The following ZFPM2 variants were observed in gnomAD, a reference collection of about 807,000 sequenced individuals.
ZFPM2 encodes zinc finger protein ZFPM2.
A neutral mutation model predicts 98.6 loss-of-function variants in ZFPM2; 20 were observed. That is an observed-to-expected ratio of 0.20 (90% CI 0.14 to 0.29). ZFPM2 has a LOEUF of 0.29. Among genes scored for constraint, ZFPM2 ranks in the 10% least tolerant of loss-of-function variants. The pLI is 1.00. For synonymous variants in ZFPM2, 518 were observed against 502.7 expected (o/e 1.03, Z -0.41); for missense variants, 1,310 against 1,388.6 (o/e 0.94, Z 0.90).
At chr8:105,486,004 C>T (rs1439277090) in intron 3 of ZFPM2, among the ~76,000 whole-genome samples, 1 of 152,080 alleles carries the variant, frequency 6.6e-6, no homozygotes, top group Non-Finnish European at 1.5e-5. Flanking sequence ...GATCTATCAC[C>T]TGAGCTTTGG....
intron 1 of ZFPM2, among the ~76,000 whole-genome samples, chr8:105,375,711 G>A (rs1394816943): frequency 2.0e-5 from 3 of 152,114 alleles, no homozygotes; most frequent in Admixed American, 6.5e-5. Flanking sequence ...TCATTTATCA[G>A]TGTCTTTAAT....
At chr8:105,511,102 G>A (rs1408502861) in intron 3 of ZFPM2, among the ~76,000 whole-genome samples, 1 of 152,150 alleles carries the variant, frequency 6.6e-6, no homozygotes, top group African/African-American at 2.4e-5. Context: ...TCTTCCCACT[G>A]AGCAAGAATG....
chr8:105,378,323 T>A (rs1179752110), intron 1 of ZFPM2, among the ~76,000 whole-genome samples: 2 of 152,264 alleles, frequency 1.3e-5, no homozygotes, highest in South Asian at 2.1e-4. Flanking sequence ...TATATTTTAA[T>A]CCATAGTTAA....
At chr8:105,405,380 T>C (rs1184555124) in intron 1 of ZFPM2, among the ~76,000 whole-genome samples, 2 of 151,764 alleles carry the variant, frequency 1.3e-5, no homozygotes, top group African/African-American at 4.8e-5. Flanking sequence ...GCTGCACCCA[T>C]TAACTCGTCA....
At chr8:105,616,047 G>T (rs1016536326) in intron 4 of ZFPM2, among the ~76,000 whole-genome samples, 2 of 151,878 alleles carry the variant, frequency 1.3e-5, no homozygotes, top group Non-Finnish European at 2.9e-5. Context: ...GCTTTTTATA[G>T]CATATGGTGT....
intron 1 of ZFPM2, among the ~76,000 whole-genome samples, chr8:105,384,425 G>C (rs181143767): frequency 1.3e-4 from 19 of 151,966 alleles, no homozygotes; most frequent in African/African-American, 4.6e-4. Flanking sequence ...AATCCCAGGA[G>C]GTGGATTATC....
chr8:105,673,997 G>A (rs148839208), intron 5 of ZFPM2, among the ~76,000 whole-genome samples: 2 of 152,274 alleles, frequency 1.3e-5, no homozygotes, highest in African/African-American at 4.8e-5. Flanking sequence ...GAAATCCTCT[G>A]TCTGAACACT....
intron 4 of ZFPM2, among the ~76,000 whole-genome samples, chr8:105,602,904 T>G (rs2130786123): frequency 6.6e-6 from 1 of 152,270 alleles, no homozygotes; most frequent in South Asian, 2.1e-4. Flanking sequence ...GACTGGATAC[T>G]TTTTAAATCA....
At chr8:105,576,954 T>C (rs568401930) in intron 4 of ZFPM2, among the ~76,000 whole-genome samples, 2 of 152,284 alleles carry the variant, frequency 1.3e-5, no homozygotes, top group East Asian at 3.9e-4. Flanking sequence ...TAGTGGTATG[T>C]TATTTTTATC....
intron 1 of ZFPM2, among the ~76,000 whole-genome samples, chr8:105,380,937 A>AATATATATG (rs1810874669): frequency 1.7e-4 from 19 of 108,638 alleles, no homozygotes; most frequent in Non-Finnish European, 2.8e-4. Context: ...TAATATATAT[A>AATATATATG]TTATTATACT....
At chr8:105,591,227 T>C (rs1374473881) in intron 4 of ZFPM2, among the ~76,000 whole-genome samples, 1 of 151,954 alleles carries the variant, frequency 6.6e-6, no homozygotes, top group African/African-American at 2.4e-5. Flanking sequence ...GATTAAATTT[T>C]CAGAACTTCT....
At chr8:105,672,171 A>G (rs1399970794) in intron 5 of ZFPM2, among the ~76,000 whole-genome samples, 1 of 152,048 alleles carries the variant, frequency 6.6e-6, no homozygotes, top group Admixed American at 6.6e-5. Flanking sequence ...CTTTAGTAGC[A>G]TGTTTTAACA....
intron 5 of ZFPM2, among the ~76,000 whole-genome samples, chr8:105,665,516 G>A (rs1322203945): frequency 1.3e-5 from 2 of 152,154 alleles, no homozygotes; most frequent in African/African-American, 4.8e-5. Flanking sequence ...AGGAATCTAT[G>A]AAATGATTGC....
rs1025988426 is a variant in ZFPM2, at chr8:105,584,480, G to A, written c.420+22999G>A. Among the ~76,000 whole-genome samples the A allele has an allele frequency of 4.6e-5, 7 of 151,992 alleles. No individual in the cohort carries two copies. In the East Asian group the frequency reaches 9.6e-4, roughly 21 times the overall value. On this transcript the variant is annotated intron_variant, in intron 4 of 7. Transcript: ENST00000407775. Reference sequence around the variant, plus strand: ...TGTATCAATTTCTTTTTCCCGTGGCGTCAAAAACACAAAGTAGTCTGGTTT... The same window carrying A: ...TGTATCAATTTCTTTTTCCCGTGGCATCAAAAACACAAAGTAGTCTGGTTT...
At chr8:105,440,232 T>C (rs1469486074) in intron 2 of ZFPM2, among the ~76,000 whole-genome samples, 1 of 152,202 alleles carries the variant, frequency 6.6e-6, no homozygotes, top group Non-Finnish European at 1.5e-5. Context: ...TTAATAGTAT[T>C]ATCTGTATTT....
At chr8:105,723,441 G>A (rs891585021) in intron 5 of ZFPM2, among the ~76,000 whole-genome samples, 9 of 151,704 alleles carry the variant, frequency 5.9e-5, no homozygotes, top group East Asian at 2.0e-4. Context: ...ATGACCCCTC[G>A]ATCTAAAGAC....
intron 3 of ZFPM2, among the ~76,000 whole-genome samples, chr8:105,549,356 T>G (rs1814788584): frequency 6.6e-6 from 1 of 152,188 alleles, no homozygotes; most frequent in Non-Finnish European, 1.5e-5. Context: ...CATGAGATTT[T>G]CTAGTTTGCA....
At chr8:105,418,843 T>TCTTAAAGAGC (rs1211966504) in intron 1 of ZFPM2, 2 of 543,828 alleles carry the variant, frequency 3.7e-6, no homozygotes, top group Non-Finnish European at 7.0e-6. Flanking sequence ...ACAGTTTTGC[T>TCTTAAAGAGC]CTTAAAGAGC....
intron 5 of ZFPM2, among the ~76,000 whole-genome samples, chr8:105,707,616 C>T (rs138950570): frequency 7.2e-5 from 11 of 152,142 alleles, no homozygotes; most frequent in Non-Finnish European, 1.5e-4. Context: ...TTGAATTGTT[C>T]GTTACTGGTT....
Sources: allele counts gnomAD v4.1 joint callset (sites outside exome capture counted in the v4.1 genomes callset), GRCh38; gene constraint gnomAD v4.1.1; transcripts MANE v1.5; gene names NCBI Gene and HGNC (gene_info 2026-07-23, HGNC 2026-07-21).